Variants in ZMAT4 observed in about 807,000 individuals in gnomAD.
ZMAT4 encodes the protein zinc finger matrin-type protein 4.
ZMAT4 carries 17 observed loss-of-function variants against 28.7 expected under a neutral mutation model. The ratio of observed to expected loss-of-function variants is 0.59; its 90% CI spans 0.41 to 0.89. The LOEUF is 0.89. Ranked by LOEUF, ZMAT4 falls within the 40% of genes least tolerant of loss-of-function variation. The pLI is 0.00. For synonymous variants in ZMAT4, 117 were observed against 109.2 expected (o/e 1.07, Z -0.44); for missense variants, 240 against 283.8 (o/e 0.85, Z 1.11).
At chr8:40,779,119 C>T (rs1187485316) in intron 2 of ZMAT4, among the ~76,000 whole-genome samples, 1 of 152,020 alleles carries the variant, frequency 6.6e-6, no homozygotes, top group Admixed American at 6.6e-5. Flanking sequence ...ATCATGGGTG[C>T]AGTTTCCCCA....
At chr8:40,548,649 A>T (rs1803273346) in intron 6 of ZMAT4, among the ~76,000 whole-genome samples, 1 of 152,180 alleles carries the variant, frequency 6.6e-6, no homozygotes. Flanking sequence ...AGAGGTCCAG[A>T]GATAAGGGGG....
In ZMAT4 at chr8:40,799,869, C is replaced by T. The variant is rs1283155761; in HGVS notation, c.102+25706G>A. 2.0e-5 allele frequency among the ~76,000 whole-genome samples: 3 copies of T among 152,012 alleles called. No homozygotes were observed. In the East Asian group the frequency reaches 5.8e-4, roughly 29 times the overall value. On this transcript the variant is annotated intron_variant, in intron 2 of 6. Coordinates refer to ENST00000297737, the MANE Select transcript of ZMAT4 (RefSeq NM_024645.3). ...GGGTATAGTGCTATTTGAAAGTAGA[C>T]TTGGATTAGTTGTAAGTGAATATTA...
At chr8:40,708,274 G>A (rs912595672) in intron 3 of ZMAT4, among the ~76,000 whole-genome samples, 1 of 152,188 alleles carries the variant, frequency 6.6e-6, no homozygotes, top group Non-Finnish European at 1.5e-5. Flanking sequence ...GCTGGCATCA[G>A]GAGCGCATGT....
Position 40,553,165 on chromosome 8 carries a change from T to C in ZMAT4, c.675-20927A>G, listed in dbSNP as rs145738827. Among the ~76,000 whole-genome samples the C allele has an allele frequency of 4.3e-3, 653 of 152,256 alleles. 6 individuals are homozygous for C. The highest frequency in any genetic ancestry group is 0.015 in the East Asian group (76 of 5,168). ...CTTCCATCCTAGGAGGAAAGAGCCA[T>C]GGAACAGAGGCCTCCTGCCCACAGC... On this transcript the variant is annotated intron_variant, in intron 6 of 6. Coordinates refer to ENST00000297737, the MANE Select transcript of ZMAT4 (RefSeq NM_024645.3).
intron 5 of ZMAT4, among the ~76,000 whole-genome samples, chr8:40,589,656 G>A (rs1162705067): frequency 6.6e-6 from 1 of 151,998 alleles, no homozygotes; most frequent in Non-Finnish European, 1.5e-5. Context: ...TTGTAACTGC[G>A]CTAATACCAT....
At chr8:40,771,517 C>T (rs1033723213) in intron 2 of ZMAT4, among the ~76,000 whole-genome samples, 1 of 152,142 alleles carries the variant, frequency 6.6e-6, no homozygotes, top group African/African-American at 2.4e-5. Context: ...TAGTAAAAAG[C>T]ATCACTGATC....
intron 1 of ZMAT4, among the ~76,000 whole-genome samples, chr8:40,866,692 A>C (rs1817686462): frequency 6.6e-6 from 1 of 152,196 alleles, no homozygotes; most frequent in Admixed American, 6.5e-5. Flanking sequence ...CAAATGCAAG[A>C]GGGAGTTTTT....
At chr8:40,647,716 C>T (rs1352077484) in intron 5 of ZMAT4, among the ~76,000 whole-genome samples, 1 of 152,156 alleles carries the variant, frequency 6.6e-6, no homozygotes, top group Admixed American at 6.5e-5. Flanking sequence ...TCCCAGCACG[C>T]AGCTGGAGAT....
chr8:40,890,917 C>T lies in ZMAT4; in HGVS notation c.-5+6766G>A, dbSNP rs375842106. Among the ~76,000 whole-genome samples, 85 of 152,050 alleles carry T rather than the reference C, an allele frequency of 5.6e-4. 2 individuals carry two copies. The East Asian group carries it at 6.5e-3, about 12-fold the overall frequency. ...AAGCCTCAGGTCCCATTCAGGTGTT[C>T]CTCACTCCCAGCGGCTCCTCTGCCC... On this transcript the variant is annotated intron_variant, in intron 1 of 6. Transcript: ENST00000297737.
At chr8:40,820,476 TTATGTGTATGTGTGTA>T (rs1257259208) in intron 2 of ZMAT4, among the ~76,000 whole-genome samples, 15 of 149,778 alleles carry the variant, frequency 1.0e-4, no homozygotes, top group Non-Finnish European at 1.8e-4. Flanking sequence ...GTATGTGTGT[TTATGTGTATGTGTGTA>T]TATGTGTGTA....
rs142605638 is a variant in ZMAT4, at chr8:40,701,613, G to A, written c.193-4212C>T. Among the ~76,000 whole-genome samples the A allele has an allele frequency of 9.9e-3, 1,417 of 142,770 alleles. 13 individuals are homozygous for A. The highest frequency in any genetic ancestry group is 0.018 in the Admixed American group (230 of 13,090). The allele number at this position is 142,770 out of a possible 152,430, so 93.7% of individuals were successfully genotyped here. A position where few individuals can be genotyped will look rare whatever the true frequency, so the allele number is the denominator to read the frequency against. On this transcript the variant is annotated intron_variant, in intron 3 of 6. Transcript: ENST00000297737. Reference sequence around the variant, plus strand: ...GCTCACTGCAACCTCCACCTCCTGGGTTCCAGTGATTCTCCCATCTCAGCC... The same window carrying A: ...GCTCACTGCAACCTCCACCTCCTGGATTCCAGTGATTCTCCCATCTCAGCC...
At chr8:40,714,629 C>G (rs1454198162) in intron 3 of ZMAT4, among the ~76,000 whole-genome samples, 1 of 152,116 alleles carries the variant, frequency 6.6e-6, no homozygotes, top group Admixed American at 6.5e-5. Context: ...TGCCTTTTGT[C>G]ATGGAGTTTA....
intron 5 of ZMAT4, among the ~76,000 whole-genome samples, chr8:40,663,778 A>G (rs1808295488): frequency 6.6e-6 from 1 of 152,206 alleles, no homozygotes; most frequent in South Asian, 2.1e-4. Context: ...CTAACATTTA[A>G]TTTAGAATTG....
At chr8:40,595,903 G>A (rs561028370) in intron 5 of ZMAT4, among the ~76,000 whole-genome samples, 26 of 152,204 alleles carry the variant, frequency 1.7e-4, no homozygotes, top group African/African-American at 5.5e-4. Context: ...GGTCAACATG[G>A]TGAAACCCCA....
At position 40,697,233 on chromosome 8, in the gene ZMAT4, T is replaced by C; in HGVS notation, c.349+12A>G. 1 of 1,596,494 alleles carries C rather than the reference T, an allele frequency of 6.3e-7. No homozygotes were observed. Among genetic ancestry groups the C allele is most frequent in the Non-Finnish European group, 8.5e-7 (1 of 1,170,870 alleles). ...TTCAGGGTCTCCCCACGATCACTGT[T>C]CCTGCACGTACCTGTGGTCTTTAAT... On this transcript the variant is annotated intron_variant, in intron 4 of 6. Transcript: ENST00000297737.
At chr8:40,628,317 G>A (rs1482716204) in intron 5 of ZMAT4, among the ~76,000 whole-genome samples, 4 of 152,186 alleles carry the variant, frequency 2.6e-5, no homozygotes, top group African/African-American at 7.2e-5. Flanking sequence ...GGACTAAAAA[G>A]ATTGTTAACA....
At chr8:40,595,311 A>G (rs1266715198) in intron 5 of ZMAT4, among the ~76,000 whole-genome samples, 2 of 152,184 alleles carry the variant, frequency 1.3e-5, no homozygotes, top group African/African-American at 2.4e-5. Flanking sequence ...ACCCAAATAG[A>G]AAAAGTATAC....
At chr8:40,808,293 G>T (rs977251464) in intron 2 of ZMAT4, among the ~76,000 whole-genome samples, 2 of 151,650 alleles carry the variant, frequency 1.3e-5, no homozygotes, top group African/African-American at 2.4e-5. Context: ...AAACTACTAT[G>T]AGAACACCTG....
intron 6 of ZMAT4, among the ~76,000 whole-genome samples, chr8:40,548,288 G>C (rs1803264129): frequency 6.6e-6 from 1 of 151,616 alleles, no homozygotes. Flanking sequence ...ATTAAAAGAA[G>C]ATTAAAAAAA....
Sources: gnomAD v4.1 joint callset for allele counts (sites outside exome capture counted in the v4.1 genomes callset) on GRCh38, gnomAD v4.1.1 for gene constraint, MANE v1.5 for transcripts, NCBI Gene and HGNC (gene_info 2026-07-23, HGNC 2026-07-21) for gene names.